The following PPM1H variants were observed in gnomAD, a reference collection of about 807,000 sequenced individuals.
PPM1H encodes protein phosphatase 1H.
PPM1H carries 27 observed loss-of-function variants against 54.9 expected under a neutral mutation model. The observed-to-expected ratio is 0.49, with a 90% confidence interval of 0.36 to 0.68. The LOEUF (loss-of-function observed/expected upper bound fraction) is 0.68. Ranked by LOEUF, PPM1H falls within the 30% of genes least tolerant of loss-of-function variation. The pLI, the probability that PPM1H is intolerant of heterozygous loss-of-function variation, is 0.00. For synonymous variants in PPM1H, 305 were observed against 270.8 expected, an observed-to-expected ratio of 1.13 and a Z score of -1.24; for missense variants, 596 against 667.8, an observed-to-expected ratio of 0.89 and a Z score of 1.19.
chr12:62,655,374 A>G (rs1243729241), intron 9 of PPM1H, among the ~76,000 whole-genome samples: 3 of 152,090 alleles, frequency 2.0e-5, no homozygotes, highest in Admixed American at 1.3e-4. Flanking sequence ...ACAAACAAAC[A>G]ACTTTCTCTG....
intron 6 of PPM1H, among the ~76,000 whole-genome samples, chr12:62,705,555 C>T (rs978094229): frequency 6.6e-6 from 1 of 152,132 alleles, no homozygotes; most frequent in African/African-American, 2.4e-5. Context: ...ATGTATAAAA[C>T]AGAACTAATA....
At chr12:62,804,662 A>ATT (rs2076794083) in intron 2 of PPM1H, among the ~76,000 whole-genome samples, 1 of 141,424 alleles carries the variant, frequency 7.1e-6, no homozygotes, top group African/African-American at 2.7e-5. Flanking sequence ...ATTTTGGTTA[A>ATT]TTTCTTTTTT....
In PPM1H at chr12:62,741,356, C is replaced by T. The variant is rs187307418; in HGVS notation, c.870-3770G>A. ...GAGCTCTCCACTGCTTCCTCAGCCC[C>T]TGTTCTGCCCTCCTCTGCCCCGTGC... On this transcript the variant is annotated intron_variant, in intron 4 of 9. Coordinates refer to ENST00000228705, the MANE Select transcript of PPM1H (RefSeq NM_020700.2). Among the ~76,000 whole-genome samples, 3 of 152,338 alleles carry T rather than the reference C, an allele frequency of 2.0e-5. No individual in the cohort carries two copies. The East Asian group carries it at 5.8e-4, about 29-fold the overall frequency.
Position 62,737,539 on chromosome 12 carries a change from A to G in PPM1H, c.917T>C (p.Phe306Ser). ...NGEIIPMSSE[F>S]TPETERQRLQ... ...TCGCTGGCGCTCCGTCTCGGGGGTA[A>G]ATTCTGAAGACATGGGGATAATTTC... Residue 306 changes from phenylalanine (F) to serine (S), a missense_variant, in exon 5 of 10, where the codon TTT (phenylalanine) becomes TCT (serine). By Grantham distance (155) the Phe-to-Ser change is radical. This residue lies in a region of PPM1H where 208 missense variants were observed against 259.5 expected (regional missense o/e 0.80). Coordinates refer to ENST00000228705, the MANE Select transcript of PPM1H (RefSeq NM_020700.2). 6.3e-7 allele frequency: 1 copy of G among 1,588,492 alleles called. No homozygotes were observed. The highest frequency in any genetic ancestry group is 8.6e-7 in the Non-Finnish European group (1 of 1,166,636).
chr12:62,699,898 G>A (rs533800140), intron 6 of PPM1H, among the ~76,000 whole-genome samples: 1 of 152,278 alleles, frequency 6.6e-6, no homozygotes, highest in East Asian at 1.9e-4. Context: ...TTGAACCTAA[G>A]CTGGCTCTCC....
intron 4 of PPM1H, chr12:62,756,035 CA>C: frequency 7.1e-7 from 1 of 1,400,554 alleles, no homozygotes; most frequent in Non-Finnish European, 1.0e-6. Context: ...GAGACCCCCT[CA>C]AGGGCATCCT....
At chr12:62,832,602 C>T (rs146549649) in intron 1 of PPM1H, among the ~76,000 whole-genome samples, 1 of 152,130 alleles carries the variant, frequency 6.6e-6, no homozygotes, top group African/African-American at 2.4e-5. Flanking sequence ...GGTTAAGGAA[C>T]CTGAATGTTT....
At chr12:62,914,577 C>T (rs1389463110) in intron 1 of PPM1H, among the ~76,000 whole-genome samples, 4 of 152,110 alleles carry the variant, frequency 2.6e-5, no homozygotes, top group African/African-American at 7.2e-5. Flanking sequence ...AGACACAGGA[C>T]GCTAGGACAA....
At chr12:62,692,791 G>A (rs573189468) in intron 7 of PPM1H, among the ~76,000 whole-genome samples, 2 of 152,258 alleles carry the variant, frequency 1.3e-5, no homozygotes, top group South Asian at 4.2e-4. Context: ...GGGTATGTTC[G>A]TTTAAAAAAT....
intron 3 of PPM1H, among the ~76,000 whole-genome samples, chr12:62,789,864 GT>G (rs1245847585): frequency 5.3e-5 from 8 of 152,240 alleles, no homozygotes; most frequent in African/African-American, 1.9e-4. Flanking sequence ...GTGAAATTCT[GT>G]GTTAGCGATA....
chr12:62,916,928 A>T (rs73139642), intron 1 of PPM1H, among the ~76,000 whole-genome samples: 2,526 of 57,938 alleles, frequency 0.044, 51 homozygotes, highest in African/African-American at 0.11. Flanking sequence ...CCCTCTACTT[A>T]AAAAAAAAAA....
At chr12:62,823,912 A>G (rs773643405) in intron 2 of PPM1H, among the ~76,000 whole-genome samples, 1 of 152,196 alleles carries the variant, frequency 6.6e-6, no homozygotes, top group Non-Finnish European at 1.5e-5. Flanking sequence ...CAATCAGGCA[A>G]GAGAAAGAAA....
At chr12:62,712,684 T>C (rs1348424054) in intron 6 of PPM1H, among the ~76,000 whole-genome samples, 2 of 152,334 alleles carry the variant, frequency 1.3e-5, no homozygotes, top group East Asian at 3.9e-4. Flanking sequence ...TGTTCAAAAA[T>C]GTAGGCTTTC....
At chr12:62,885,603 T>C (rs1453783912) in intron 1 of PPM1H, among the ~76,000 whole-genome samples, 2 of 152,144 alleles carry the variant, frequency 1.3e-5, no homozygotes, top group Non-Finnish European at 2.9e-5. Context: ...GCACACACAG[T>C]AGAGGGCTGG....
At chr12:62,781,375 A>T (rs2120680293) in intron 4 of PPM1H, among the ~76,000 whole-genome samples, 1 of 152,294 alleles carries the variant, frequency 6.6e-6, no homozygotes, top group South Asian at 2.1e-4. Context: ...GGAAGGGGAG[A>T]CACGGGTTCC....
intron 5 of PPM1H, among the ~76,000 whole-genome samples, chr12:62,721,893 AC>A: frequency 6.6e-6 from 1 of 152,208 alleles, no homozygotes; most frequent in South Asian, 2.1e-4. Context: ...TATCCTGAGT[AC>A]TACACTCAGT....
intron 4 of PPM1H, among the ~76,000 whole-genome samples, chr12:62,784,984 T>G (rs1394538828): frequency 6.6e-6 from 1 of 152,188 alleles, no homozygotes; most frequent in Non-Finnish European, 1.5e-5. Flanking sequence ...CCCAAATTTA[T>G]ATCTGGATAC....
chr12:62,667,158 A>G lies in PPM1H; in HGVS notation c.1397+20T>C. The G allele has an allele frequency of 1.9e-6, 3 of 1,547,040 alleles. No individual in the cohort carries two copies. The highest frequency in any genetic ancestry group is 2.7e-6 in the Non-Finnish European group (3 of 1,128,730). Reference sequence around the variant, plus strand: ...AAGAATGCTTGAGGAACAACCCTACAATTGTAGAAATGCACAAACCTGTGA... The same window carrying G: ...AAGAATGCTTGAGGAACAACCCTACGATTGTAGAAATGCACAAACCTGTGA... On this transcript the variant is annotated intron_variant, in intron 9 of 9. Coordinates refer to ENST00000228705, the MANE Select transcript of PPM1H (RefSeq NM_020700.2).
chr12:62,802,633 G>T (rs891352522), intron 2 of PPM1H, among the ~76,000 whole-genome samples: 6 of 151,122 alleles, frequency 4.0e-5, no homozygotes, highest in Admixed American at 4.0e-4. Context: ...GCGCGATCTA[G>T]GCTCACTGCA....
Sources: gnomAD v4.1 joint callset for allele counts (sites outside exome capture counted in the v4.1 genomes callset) on GRCh38, gnomAD v4.1.1 for gene constraint, gnomAD v4.1.1 regional missense constraint, MANE v1.5 for transcripts, NCBI Gene and HGNC (gene_info 2026-07-23, HGNC 2026-07-21) for gene names.